TXNDC9: variants seen among roughly 807,000 people sequenced by gnomAD.
The protein encoded by TXNDC9 is thioredoxin domain-containing protein 9.
Under a neutral mutation model 23.0 loss-of-function variants are expected in TXNDC9, and 7 were observed. The ratio of observed to expected loss-of-function variants is 0.30; its 90% CI spans 0.17 to 0.57. The LOEUF (loss-of-function observed/expected upper bound fraction) is 0.57. Ranked by LOEUF, TXNDC9 falls within the 20% of genes least tolerant of loss-of-function variation. The pLI is 0.90. For missense variants in TXNDC9, 198 were observed against 252.6 expected, an observed-to-expected ratio of 0.78 and a Z score of 1.47; for synonymous variants, 72 against 90.6, an observed-to-expected ratio of 0.79 and a Z score of 1.17.
At chr2:99,311,999 C>T in the TXNDC9 span, among the ~76,000 whole-genome samples, 2 of 151,970 alleles carry the variant, frequency 1.3e-5, no homozygotes, top group Admixed American at 6.6e-5. Flanking sequence ...TTATGAAGGC[C>T]ATAAGTTGTT....
chr2:99,332,809 T>C (rs1350924967), intron 2 of TXNDC9: 5 of 493,674 alleles, frequency 1.0e-5, no homozygotes, highest in East Asian at 6.9e-5. Context: ...GATCTTTCTT[T>C]TACTCGACTG....
In TXNDC9 at chr2:99,336,028, G is replaced by A. The variant is rs145453735; in HGVS notation, c.-33+211C>T. Among the ~76,000 whole-genome samples the A allele has an allele frequency of 9.6e-3, 1,463 of 152,310 alleles. 24 individuals are homozygous for A. The highest frequency in any genetic ancestry group is 0.034 in the African/African-American group (1,394 of 41,554). On this transcript the variant is annotated intron_variant, in intron 1 of 4. Transcript: ENST00000264255. ...CAGGTACCTCCCCAATGGCAAGCCG[G>A]CCACTCCCTGCGCCCGGGGAAACAG...
At chr2:99,317,994 G>A (rs533760015), downstream of TXNDC9, among the ~76,000 whole-genome samples, 4 of 152,298 alleles carry the variant, frequency 2.6e-5, no homozygotes, top group South Asian at 4.2e-4. Flanking sequence ...GCGTTCAAGC[G>A]ATTCCCATGA....
Position 99,333,152 on chromosome 2 carries a change from T to C in TXNDC9, c.59A>G (p.Gln20Arg), listed in dbSNP as rs2094230023. 1.2e-6 allele frequency: 2 copies of C among 1,614,184 alleles called. No individual in the cohort carries two copies. Among genetic ancestry groups the C allele is most frequent in the South Asian group, 1.1e-5 (1 of 91,084 alleles). Reference sequence around the variant, plus strand: ...ATGTTCTTCCACCAGTTTGGTAGTCTGAAGCAGCTGATGCTCCAGGACTTT... The same window carrying C: ...ATGTTCTTCCACCAGTTTGGTAGTCCGAAGCAGCTGATGCTCCAGGACTTT... ...FSKVLEHQLL[Q>R]TTKLVEEHLD... The change falls in exon 2 of 5, where the codon CAG becomes CGG. Residue 20 changes from glutamine (Q) to arginine (R), a missense_variant. By Grantham distance (43) the Gln-to-Arg change is conservative. Transcript: ENST00000264255.
the TXNDC9 span, among the ~76,000 whole-genome samples, chr2:99,310,196 C>T: frequency 6.6e-6 from 1 of 152,144 alleles, no homozygotes; most frequent in Non-Finnish European, 1.5e-5. Context: ...TTAAATGGGA[C>T]GTACAGAATA....
chr2:99,322,127 C>A lies in TXNDC9; in HGVS notation c.391G>T (p.Ala131Ser), dbSNP rs758020862. 7 of 1,614,106 alleles carry A rather than the reference C, an allele frequency of 4.3e-6. No individual in the cohort carries two copies. Among genetic ancestry groups the A allele is most frequent in the Non-Finnish European group, 4.2e-6 (5 of 1,180,018 alleles). ...TKFLKLNVEKAPFLCERLHIK... is the reference protein window; with the variant it reads ...TKFLKLNVEKSPFLCERLHIK... Reference sequence around the variant, plus strand: ...TGCAGTCTCTCACAAAGGAAAGGTGCTTTTTCCACATTCAGCTTCAAAAAT... The same window carrying A: ...TGCAGTCTCTCACAAAGGAAAGGTGATTTTTCCACATTCAGCTTCAAAAAT... Residue 131 changes from alanine to serine, a missense_variant, in exon 4 of 5, where the codon GCA becomes TCA. Coordinates refer to ENST00000264255, the MANE Select transcript of TXNDC9 (RefSeq NM_005783.4).
chr2:99,324,482 A>C (rs778883864), intron 3 of TXNDC9, among the ~76,000 whole-genome samples: 4 of 152,218 alleles, frequency 2.6e-5, no homozygotes, highest in African/African-American at 7.2e-5. Context: ...TTTTTAAATA[A>C]AGCTCAAAAC....
intron 2 of TXNDC9, among the ~76,000 whole-genome samples, chr2:99,328,802 C>T (rs1266610768): frequency 6.6e-6 from 1 of 151,312 alleles, no homozygotes; most frequent in Non-Finnish European, 1.5e-5. Flanking sequence ...ATGGTGAAAC[C>T]CCGTCTCTAC....
rs376367081 is a variant in TXNDC9, at chr2:99,322,237, T to C, written c.309-28A>G. ...GTAAGTGACCACACATAGAAAATTA[T>C]AAGCTAAAACCACAGATCGCTTTTT... On this transcript the variant is annotated intron_variant, in intron 3 of 4. Coordinates refer to ENST00000264255, the MANE Select transcript of TXNDC9 (RefSeq NM_005783.4). The C allele has an allele frequency of 6.3e-6, 10 of 1,591,778 alleles. No individual in the cohort carries two copies. The African/African-American group carries it at 8.1e-5, about 13-fold the overall frequency.
downstream of TXNDC9, among the ~76,000 whole-genome samples, chr2:99,317,725 G>T (rs1354027546): frequency 2.6e-5 from 4 of 151,394 alleles, no homozygotes; most frequent in East Asian, 7.8e-4. Context: ...TGGTCCTCCC[G>T]CCTCCGCATC....
In TXNDC9 at chr2:99,319,431, T is replaced by C. The variant is rs1318388121; in HGVS notation, c.*251A>G. On this transcript the variant is annotated 3_prime_UTR_variant, in exon 5 of 5. Coordinates refer to ENST00000264255, the MANE Select transcript of TXNDC9 (RefSeq NM_005783.4). ...ATGGTATAAAGATGTAAGAATCATA[T>C]TGTGATAAAGTCAATCTCAAAAATA... The C allele has an allele frequency of 3.0e-6, 1 of 331,722 alleles. No homozygotes were observed. Among genetic ancestry groups the C allele is most frequent in the African/African-American group, 2.2e-5 (1 of 45,930 alleles). The allele number at this position is 331,722 out of a possible 1,614,324, so 20.5% of individuals were successfully genotyped here.
chr2:99,307,340 TATGA>T, the TXNDC9 span: 1 of 151,416 alleles, frequency 6.6e-6, no homozygotes, highest in Non-Finnish European at 1.5e-5. Context: ...TTACAATTAT[TATGA>T]TTATTATTAT....
chr2:99,323,789 G>A (rs186327249), intron 3 of TXNDC9, among the ~76,000 whole-genome samples: 2 of 152,104 alleles, frequency 1.3e-5, no homozygotes, highest in African/African-American at 4.8e-5. Flanking sequence ...ACAGACTATT[G>A]TAACAATCTT....
chr2:99,317,127 T>A (rs1574901864), downstream of TXNDC9, among the ~76,000 whole-genome samples: 1 of 152,262 alleles, frequency 6.6e-6, no homozygotes, highest in East Asian at 1.9e-4. Flanking sequence ...TACCTTCCTT[T>A]ACTTCCAGCA....
chr2:99,316,122 T>TC (rs2094188489), downstream of TXNDC9, among the ~76,000 whole-genome samples: 1 of 149,002 alleles, frequency 6.7e-6, no homozygotes, highest in South Asian at 2.1e-4. Flanking sequence ...TTTTTCTTTT[T>TC]TTTTTTTTTT....
intron 2 of TXNDC9, 117 bp from the exon 3 acceptor site, chr2:99,327,770 GTTTT>G: frequency 2.1e-6 from 1 of 474,376 alleles, no homozygotes; most frequent in South Asian, 3.8e-5. Context: ...AAAAAAAAAA[GTTTT>G]TTTTTTGTTT....
intron 2 of TXNDC9, among the ~76,000 whole-genome samples, chr2:99,332,405 T>G (rs2105326391): frequency 6.6e-6 from 1 of 152,264 alleles, no homozygotes; most frequent in Middle Eastern, 3.4e-3. Flanking sequence ...ATGACACCAC[T>G]GTACTCCAGC....
chr2:99,330,290 CA>C (rs528602849), intron 2 of TXNDC9, among the ~76,000 whole-genome samples: 449 of 28,060 alleles, frequency 0.016, 2 homozygotes, highest in African/African-American at 0.061. Flanking sequence ...ACTCTTATCT[CA>C]AAAAAAAAAA....
chr2:99,310,982 T>A, the TXNDC9 span, among the ~76,000 whole-genome samples: 50 of 152,208 alleles, frequency 3.3e-4, no homozygotes, highest in Non-Finnish European at 5.7e-4. Flanking sequence ...TTGATCAGAA[T>A]TTTTCCCTTT....
Sources: gnomAD v4.1 joint callset for allele counts (sites outside exome capture counted in the v4.1 genomes callset) on GRCh38, gnomAD v4.1.1 for gene constraint, MANE v1.5 for transcripts, NCBI Gene and HGNC (gene_info 2026-07-23, HGNC 2026-07-21) for gene names.